The following RBM10 variants were observed in gnomAD, a reference collection of about 807,000 sequenced individuals.
RBM10 encodes RNA-binding protein 10.
A neutral mutation model predicts 84.9 loss-of-function variants in RBM10; 1 was observed. That is an observed-to-expected ratio of 0.01 (90% CI 0.00 to 0.06). The LOEUF (loss-of-function observed/expected upper bound fraction) is 0.06, where lower values mean the gene tolerates loss of function less well. Among genes scored for constraint, RBM10 ranks in the 10% least tolerant of loss-of-function variants. The pLI is 1.00. For synonymous variants in RBM10, 326 were observed against 344.5 expected, an observed-to-expected ratio of 0.95 and a Z score of 0.60; for missense variants, 438 against 839.0, an observed-to-expected ratio of 0.52 and a Z score of 5.90.
chrX:47,154,683 T>G (rs1762440228), intron 2 of RBM10, among the ~76,000 whole-genome samples: 1 of 109,199 alleles, frequency 9.2e-6, no homozygotes, highest in African/African-American at 3.3e-5. Flanking sequence ...ACTCCGTACC[T>G]CAGGTGATCC....
At chrX:47,169,528 G>A (rs782059932) in intron 3 of RBM10, 30 bp downstream of exon 3, 1 of 1,175,829 alleles carries the variant, frequency 8.5e-7, no homozygotes, top group Non-Finnish European at 1.1e-6. Flanking sequence ...CGCCAGGCCT[G>A]GCTGGGATGG....
At position 47,171,355 on chromosome X, in the gene RBM10, C is replaced by A. The variant is rs1034582350; in HGVS notation, c.432+97C>A. 9.9e-6 allele frequency: 11 copies of A among 1,111,123 alleles called. 1 individual carries two copies. The South Asian group carries it at 1.9e-4, about 19-fold the overall frequency. The allele number at this position is 1,111,123 out of a possible 1,213,427, so 91.6% of individuals were successfully genotyped here. ...CCCTCCCTCACCTGCAACCTCAGCG[C>A]CTTTCATCCCTTCTCCCCCTCCAGC... On this transcript the variant is annotated intron_variant, in intron 4 of 23. Coordinates refer to ENST00000377604, the MANE Select transcript of RBM10 (RefSeq NM_005676.5).
In RBM10 at chrX:47,186,510, C is replaced by T. The variant is rs782208940; in HGVS notation, c.2704C>T (p.Arg902Trp). The T allele has an allele frequency of 7.4e-6, 9 of 1,209,011 alleles. No homozygotes were observed. Among genetic ancestry groups the T allele is most frequent in the Admixed American group, 4.4e-5 (2 of 45,784 alleles). ...TRVRGSGLGA[R>W]GSSYGVTSTE... ...GGTGCGGGGCTCCGGCCTGGGTGCA[C>T]GGGGCAGCTCCTACGGGGTCACCTC... The change falls in exon 24 of 24, where the codon CGG (arginine) becomes TGG (tryptophan). Residue 902 changes from arginine (R) to tryptophan (W), a missense_variant. Arg to Trp is a moderately radical substitution (Grantham distance 101, BLOSUM62 -3). Transcript: ENST00000377604.
chrX:47,159,904 G>A (rs1933530374), intron 2 of RBM10, among the ~76,000 whole-genome samples: 2 of 112,116 alleles, frequency 1.8e-5, no homozygotes, highest in African/African-American at 3.2e-5. Flanking sequence ...TTGGGAGGCC[G>A]AGGCAGGCGG....
chrX:47,163,612 C>T (rs73630260), intron 2 of RBM10, among the ~76,000 whole-genome samples: 9,244 of 110,597 alleles, frequency 0.084, 946 homozygotes, highest in African/African-American at 0.29. Flanking sequence ...GAGCCCACCA[C>T]GCCTGGCCAC....
At chrX:47,170,932 T>C (rs971806742) in intron 3 of RBM10, 96 bp from the exon 4 acceptor site, 20 of 939,977 alleles carry the variant, frequency 2.1e-5, no homozygotes, top group Non-Finnish European at 3.0e-5. Context: ...TCCCTGGCTT[T>C]CAGAGCCTGC....
rs781946397 is a variant in RBM10, at chrX:47,181,536, G to A, written c.1465G>A (p.Asp489Asn). Residue 489 changes from aspartate to asparagine, a missense_variant, in exon 14 of 24, where the codon GAC becomes AAC. Physicochemically the swap from Asp to Asn is conservative, Grantham distance 23 (BLOSUM62 1). Transcript: ENST00000377604. ...GPEASLEPGADSVSMQAFSRA... is the reference protein window; with the variant it reads ...GPEASLEPGANSVSMQAFSRA... ...CGAGGCCTCCCTAGAGCCTGGGGCC[G>A]ACTCTGTGTCGATGCAGGCTTTCTC... is the stretch of plus-strand genomic sequence containing the variant. 2.1e-5 allele frequency: 25 copies of A among 1,210,261 alleles called. No individual in the cohort carries two copies. The highest frequency in any genetic ancestry group is 3.0e-5 in the East Asian group (1 of 33,748).
chrX:47,145,341 G>A lies in RBM10; in HGVS notation c.-270G>A. 1 of 895,494 alleles carries A rather than the reference G, an allele frequency of 1.1e-6. No individual in the cohort carries two copies. The highest frequency in any genetic ancestry group is 1.6e-6 in the Non-Finnish European group (1 of 635,924). The allele number at this position is 895,494 out of a possible 1,213,427, so 73.8% of individuals were successfully genotyped here. ...TCCCTGGGAGGGCAGCGCGCTTGGC[G>A]CTTCTCCCCTCCCCCCGATCTGCCT... On this transcript the variant is annotated 5_prime_UTR_variant, in exon 1 of 24. Coordinates refer to ENST00000377604, the MANE Select transcript of RBM10 (RefSeq NM_005676.5).
Position 47,181,988 on chromosome X carries a change from C to T in RBM10, c.1731C>T (p.Thr577=), listed in dbSNP as rs1556780031. Residue 577 remains threonine, a synonymous_variant, in exon 16 of 24, where the codon ACC becomes ACT. Coordinates refer to ENST00000377604, the MANE Select transcript of RBM10 (RefSeq NM_005676.5). ...PDVSTYQYDE[T]SGYYYDPQTG... is the part of the protein sequence containing the mutation. ...TCTCTACCTACCAGTACGATGAGAC[C>T]TCCGGCTACTACTATGACCCCCAGA... 1 of 1,209,133 alleles carries T rather than the reference C, an allele frequency of 8.3e-7. No individual in the cohort carries two copies. Among genetic ancestry groups the T allele is most frequent in the Admixed American group, 2.2e-5 (1 of 45,633 alleles).
Position 47,185,914 on chromosome X carries a change from C to G in RBM10, c.2430+124C>G, listed in dbSNP as rs782718567. The G allele has an allele frequency of 2.7e-5, 31 of 1,160,000 alleles. No individual in the cohort carries two copies. The Admixed American group carries it at 5.9e-4, about 22-fold the overall frequency. ...TGAGCCTTCTTCCCCATTTTCCTAT[C>G]CTGGCTGCTTGTGCCTGTGATGGCC... On this transcript the variant is annotated intron_variant, in intron 21 of 23. Coordinates refer to ENST00000377604, the MANE Select transcript of RBM10 (RefSeq NM_005676.5).
Position 47,184,287 on chromosome X carries a change from G to A in RBM10, c.1951-768G>A, listed in dbSNP as rs782018505. On this transcript the variant is annotated intron_variant, in intron 17 of 23. Transcript: ENST00000377604. ...TGGGATTACAGGCATCCACCACCAC[G>A]CCCAGCTAATTTTGTATTTTTTTAG... Among the ~76,000 whole-genome samples the A allele has an allele frequency of 1.8e-3, 164 of 89,748 alleles. 2 individuals are homozygous for A. The highest frequency in any genetic ancestry group is 5.4e-3 in the African/African-American group (154 of 28,541). 77.9% of individuals were successfully genotyped at this position (89,748 alleles called of 115,157 possible).
intron 5 of RBM10, 144 bp downstream of exon 5, chrX:47,173,341 C>T (rs1319128768): frequency 9.6e-6 from 11 of 1,142,804 alleles, no homozygotes; most frequent in Admixed American, 2.6e-5. Context: ...GCCCTCTCTT[C>T]TCTCCCACTC....
rs1556782520 is a variant in RBM10 at position 47,186,253 on chromosome X, T to C, written c.2538-5T>C. The stretch of plus-strand genomic sequence containing the variant: ...GACCACTCATGCTGTGCACCGCCCC[T>C]GCAGAGACTTCGAGCAGCCTACTCG... On this transcript the variant is annotated splice_region_variant and splice_polypyrimidine_tract_variant and intron_variant, in intron 22 of 23. Transcript: ENST00000377604. 8.3e-7 allele frequency: 1 copy of C among 1,210,152 alleles called. No homozygotes were observed. The highest frequency in any genetic ancestry group is 2.2e-5 in the Admixed American group (1 of 45,914).
chrX:47,160,006 G>A (rs1933542239), intron 2 of RBM10, among the ~76,000 whole-genome samples: 1 of 111,509 alleles, frequency 9.0e-6, no homozygotes, highest in African/African-American at 3.3e-5. Context: ...GCGTGGTGGC[G>A]CATGCCTATA....
chrX:47,178,915 G>T (rs1332407164), intron 7 of RBM10, among the ~76,000 whole-genome samples, 188 bp from the exon 8 acceptor site: 2 of 111,738 alleles, frequency 1.8e-5, no homozygotes, highest in Non-Finnish European at 3.8e-5. Flanking sequence ...GGACAAATGA[G>T]AGTCTGGAAA....
At chrX:47,173,340 T>C (rs1328213599) in intron 5 of RBM10, 143 bp downstream of exon 5, 1 of 1,141,263 alleles carries the variant, frequency 8.8e-7, no homozygotes, top group African/African-American at 1.8e-5. Flanking sequence ...TGCCCTCTCT[T>C]CTCTCCCACT....
At chrX:47,163,891 C>T (rs1232285568) in intron 2 of RBM10, among the ~76,000 whole-genome samples, 210 of 52,288 alleles carry the variant, frequency 4.0e-3, no homozygotes, top group Non-Finnish European at 5.3e-3. Flanking sequence ...TTTTTTGAGA[C>T]GGAGTCTCAC....
At chrX:47,159,274 T>A (rs1422045632) in intron 2 of RBM10, among the ~76,000 whole-genome samples, 2 of 110,914 alleles carry the variant, frequency 1.8e-5, no homozygotes, top group Non-Finnish European at 3.8e-5. Flanking sequence ...CCAGGCGTGG[T>A]GGCACGTGCC....
chrX:47,160,056 G>A (rs187570009), intron 2 of RBM10, among the ~76,000 whole-genome samples: 56 of 112,101 alleles, frequency 5.0e-4, no homozygotes, highest in African/African-American at 1.8e-3. Flanking sequence ...AGAATCACTT[G>A]AACCTGAGAG....
Sources: allele counts gnomAD v4.1 joint callset (sites outside exome capture counted in the v4.1 genomes callset), GRCh38; gene constraint gnomAD v4.1.1; transcripts MANE v1.5; gene names NCBI Gene and HGNC (gene_info 2026-07-23, HGNC 2026-07-21).